Variants in GOLGA3 observed in about 807,000 individuals in gnomAD.
GOLGA3 encodes the protein golgin subfamily A member 3.
A neutral mutation model predicts 169.4 loss-of-function variants in GOLGA3; 75 were observed. That is an observed-to-expected ratio of 0.44 (90% CI 0.37 to 0.54). The LOEUF (loss-of-function observed/expected upper bound fraction) is 0.54, where lower values mean the gene tolerates loss of function less well. Among genes scored for constraint, GOLGA3 ranks in the 20% least tolerant of loss-of-function variants. GOLGA3 has a pLI of 0.00. For missense variants in GOLGA3, 1,899 were observed against 1,930.0 expected, an observed-to-expected ratio of 0.98 and a Z score of 0.30; for synonymous variants, 824 against 822.4, an observed-to-expected ratio of 1.00 and a Z score of -0.03.
intron 14 of GOLGA3, 63 bp downstream of exon 14, chr12:132,786,629 TC>T (rs372143513): frequency 2.3e-4 from 241 of 1,057,826 alleles, no homozygotes; most frequent in East Asian, 1.6e-3. Flanking sequence ...CTGGTTCGCC[TC>T]CCCCCCGGCC....
intron 1 of GOLGA3, among the ~76,000 whole-genome samples, chr12:132,827,021 C>T (rs1048376716): frequency 2.6e-5 from 4 of 152,192 alleles, no homozygotes; most frequent in African/African-American, 7.2e-5. Context: ...AAGGTACACA[C>T]AACCCTAGGT....
intron 8 of GOLGA3, 104 bp from the exon 9 acceptor site, chr12:132,798,581 C>CT (rs1948985271): frequency 1.0e-6 from 1 of 966,184 alleles, no homozygotes; most frequent in African/African-American, 1.6e-5. Flanking sequence ...TGGCTGCCCC[C>CT]TCAGTGTCTC....
chr12:132,785,305 C>T (rs2045837986), intron 15 of GOLGA3, among the ~76,000 whole-genome samples: 1 of 152,152 alleles, frequency 6.6e-6, no homozygotes, highest in African/African-American at 2.4e-5. Flanking sequence ...AGAGGAAGCA[C>T]TTGATTTATT....
chr12:132,784,330 C>T (rs760169505), intron 15 of GOLGA3, 23 bp from the exon 16 acceptor site: 15 of 1,593,282 alleles, frequency 9.4e-6, no homozygotes, highest in Non-Finnish European at 1.3e-5. Flanking sequence ...ATGGAACGGG[C>T]GCTTGGTCAT....
chr12:132,799,540 T>C (rs914976810), intron 8 of GOLGA3, among the ~76,000 whole-genome samples: 2 of 152,138 alleles, frequency 1.3e-5, no homozygotes, highest in Admixed American at 1.3e-4. Flanking sequence ...CTTGGGGGGC[T>C]GAGGCAGGAG....
At chr12:132,800,346 T>C (rs987264252) in intron 8 of GOLGA3, among the ~76,000 whole-genome samples, 1 of 151,960 alleles carries the variant, frequency 6.6e-6, no homozygotes, top group Non-Finnish European at 1.5e-5. Context: ...ATACAAAAAT[T>C]AGCCGGGCAT....
chr12:132,798,148 T>A (rs1266561728), intron 9 of GOLGA3, among the ~76,000 whole-genome samples, 192 bp downstream of exon 9: 2 of 100,170 alleles, frequency 2.0e-5, no homozygotes. Context: ...AGGCCATCCA[T>A]GCTAAGCCCC....
At chr12:132,825,281 TAA>T (rs1362715269) in intron 1 of GOLGA3, among the ~76,000 whole-genome samples, 1 of 152,000 alleles carries the variant, frequency 6.6e-6, no homozygotes, top group Non-Finnish European at 1.5e-5. Flanking sequence ...GCCCCGCAGG[TAA>T]AGTGTCTCGT....
intron 16 of GOLGA3, among the ~76,000 whole-genome samples, chr12:132,783,012 A>G (rs1263829964): frequency 1.3e-5 from 2 of 152,196 alleles, no homozygotes; most frequent in Non-Finnish European, 2.9e-5. Context: ...CCTAGCCAAC[A>G]TGATGAAACC....
chr12:132,779,454 TTTTTC>T (rs1300792381), intron 18 of GOLGA3, among the ~76,000 whole-genome samples: 2 of 152,188 alleles, frequency 1.3e-5, no homozygotes, highest in Non-Finnish European at 2.9e-5. Flanking sequence ...ATCAAGAACC[TTTTTC>T]TTTTCATCTC....
At chr12:132,797,417 C>T (rs1422620569) in intron 9 of GOLGA3, among the ~76,000 whole-genome samples, 1 of 152,162 alleles carries the variant, frequency 6.6e-6, no homozygotes, top group African/African-American at 2.4e-5. Flanking sequence ...GAGTAGGTGA[C>T]ACTATCCCCA....
chr12:132,796,623 C>A lies in GOLGA3; in HGVS notation c.2016G>T (p.Arg672Ser), dbSNP rs1355083460. The A allele has an allele frequency of 6.2e-7, 1 of 1,614,100 alleles. No homozygotes were observed. Among genetic ancestry groups the A allele is most frequent in the Admixed American group, 1.7e-5 (1 of 60,030 alleles). Residue 672 changes from arginine (R) to serine (S), a missense_variant, in exon 10 of 24, where the codon AGG (arginine) becomes AGT (serine). Coordinates refer to ENST00000450791, the MANE Select transcript of GOLGA3 (RefSeq NM_001389683.1). Reference sequence around the variant, plus strand: ...TCTCACCTTCAAACTCTTCCAGCCTCCTCTGAAGGTCCTCCTCCACCATCG... The same window carrying A: ...TCTCACCTTCAAACTCTTCCAGCCTACTCTGAAGGTCCTCCTCCACCATCG... ...AKTMVEEDLQ[R>S]RLEEFEGERE... is the part of the protein sequence containing the mutation.
intron 5 of GOLGA3, 77 bp from the exon 6 acceptor site, chr12:132,807,365 C>A: frequency 2.7e-6 from 2 of 734,028 alleles, no homozygotes; most frequent in South Asian, 1.9e-5. Flanking sequence ...TCTCCAAATT[C>A]CACACACCCC....
chr12:132,774,593 G>A, intron 22 of GOLGA3: 1 of 537,874 alleles, frequency 1.9e-6, no homozygotes, highest in Non-Finnish European at 3.3e-6. Flanking sequence ...CCGAGCCACA[G>A]ACTACAGCTC....
rs2044900644 is a variant in GOLGA3 at position 132,771,651 on chromosome 12, A to C, written c.*1454T>G. On this transcript the variant is annotated 3_prime_UTR_variant, in exon 24 of 24. Coordinates refer to ENST00000450791, the MANE Select transcript of GOLGA3 (RefSeq NM_001389683.1). ...CTGCTTGCCACATGATGCTGGTGTA[A>C]CCACAAAAGATCCAGGACTTCTCGA... The C allele has an allele frequency of 6.6e-6, 1 of 152,078 alleles. No individual in the cohort carries two copies. The highest frequency in any genetic ancestry group is 1.5e-5 in the Non-Finnish European group (1 of 68,032). The allele number at this position is 152,078 out of a possible 1,614,324, so 9.4% of individuals were successfully genotyped here.
At chr12:132,816,428 G>T in intron 3 of GOLGA3, 112 bp downstream of exon 3, 1 of 1,098,504 alleles carries the variant, frequency 9.1e-7, no homozygotes, top group Non-Finnish European at 1.3e-6. Context: ...GATGGCACAC[G>T]GCAGGCACAG....
In GOLGA3 at chr12:132,816,797, C is replaced by A. The variant is rs1011633504; in HGVS notation, c.149G>T (p.Arg50Ile). 4 of 1,596,978 alleles carry A rather than the reference C, an allele frequency of 2.5e-6. No individual in the cohort carries two copies. In the African/African-American group the frequency reaches 4.0e-5, roughly 16 times the overall value. Reference sequence around the variant, plus strand: ...CGGGCTTTCCCCTTCCGTGGATGCTCTGTTTACCTCGGCACCTGGAAAGAC... The same window carrying A: ...CGGGCTTTCCCCTTCCGTGGATGCTATGTTTACCTCGGCACCTGGAAAGAC... The part of the protein sequence containing the change: ...QDKVQCAEVN[R>I]ASTEGESPDG... The change falls in exon 3 of 24, where the codon AGA becomes ATA. Residue 50 changes from arginine (R) to isoleucine (I), a missense_variant. Transcript: ENST00000450791.
chr12:132,794,661 G>A (rs1948739148), intron 11 of GOLGA3, among the ~76,000 whole-genome samples: 1 of 152,220 alleles, frequency 6.6e-6, no homozygotes, highest in Non-Finnish European at 1.5e-5. Context: ...CAGTCTTCCA[G>A]GTATCAGCTG....
intron 2 of GOLGA3, among the ~76,000 whole-genome samples, chr12:132,821,436 A>G (rs1950208815): frequency 6.6e-6 from 1 of 151,486 alleles, no homozygotes. Context: ...AATTTTAGGC[A>G]GGGAACATGA....
Sources: gnomAD v4.1 joint callset for allele counts (sites outside exome capture counted in the v4.1 genomes callset) on GRCh38, gnomAD v4.1.1 for gene constraint, MANE v1.5 for transcripts, NCBI Gene and HGNC (gene_info 2026-07-23, HGNC 2026-07-21) for gene names.